The following DNAH17 variants were observed in gnomAD, a reference collection of about 807,000 sequenced individuals.
DNAH17 encodes the protein axonemal beta dynein heavy chain 17.
DNAH17 carries 376 observed loss-of-function variants against 485.6 expected under a neutral mutation model. That is an observed-to-expected ratio of 0.77 (90% CI 0.71 to 0.84). DNAH17 has a LOEUF of 0.84. DNAH17 is among the 40% of genes least tolerant of loss of function. The pLI is 0.00. For synonymous variants in DNAH17, 3,031 were observed against 2,405.9 expected, an observed-to-expected ratio of 1.26 and a Z score of -7.60; for missense variants, 6,370 against 5,839.3, an observed-to-expected ratio of 1.09 and a Z score of -2.96.
At position 78,493,922 on chromosome 17, in the gene DNAH17, A is replaced by C. The variant is rs889090273; in HGVS notation, c.6408+114T>G. 9 of 1,401,526 alleles carry C rather than the reference A, an allele frequency of 6.4e-6. No individual in the cohort carries two copies. The African/African-American group carries it at 7.2e-5, about 11-fold the overall frequency. The allele number at this position is 1,401,526 out of a possible 1,614,324, so 86.8% of individuals were successfully genotyped here. A position where few individuals can be genotyped will look rare whatever the true frequency, so the allele number is the denominator to read the frequency against. ...TGACTCAGGCCGGAGGGCTCCCAGG[A>C]TGTACTGGGTTGGGGTCTCCGGGGT... On this transcript the variant is annotated intron_variant, in intron 41 of 80. Coordinates refer to ENST00000389840, the MANE Select transcript of DNAH17 (RefSeq NM_173628.4).
chr17:78,556,119 G>A (rs770316115), intron 14 of DNAH17, among the ~76,000 whole-genome samples: 2 of 152,048 alleles, frequency 1.3e-5, no homozygotes, highest in Non-Finnish European at 2.9e-5. Flanking sequence ...CCATCCATCT[G>A]TATCTATCCC....
chr17:78,469,029 T>C (rs1031427848), intron 54 of DNAH17, 146 bp from the exon 55 acceptor site: 4 of 1,041,266 alleles, frequency 3.8e-6, no homozygotes, highest in East Asian at 2.6e-5. Context: ...AATGGCACAA[T>C]CTCGGCTCAC....
chr17:78,561,177 C>G (rs1315368941), intron 12 of DNAH17, among the ~76,000 whole-genome samples: 2 of 152,128 alleles, frequency 1.3e-5, no homozygotes, highest in African/African-American at 2.4e-5. Context: ...CAACTGGCTC[C>G]CGACCGCCAG....
chr17:78,570,313 C>T lies in DNAH17; in HGVS notation c.978G>A (p.Glu326=). ...TGATCCTGGCAGGTGTGTTATAGTA[C>T]TCAGAGGTGGCCCAGATGAAGCAGA... is the stretch of plus-strand genomic sequence containing the variant. The part of the protein sequence containing the change: ...DTICFIWATS[E]YYNTPARIIV... The change falls in exon 7 of 81, where the codon GAG becomes GAA. Residue 326 remains glutamate (E), a synonymous_variant. Coordinates refer to ENST00000389840, the MANE Select transcript of DNAH17 (RefSeq NM_173628.4). The T allele has an allele frequency of 1.2e-6, 2 of 1,605,606 alleles. No individual in the cohort carries two copies. The highest frequency in any genetic ancestry group is 1.7e-6 in the Non-Finnish European group (2 of 1,176,488).
At chr17:78,442,344 T>C (rs1316653057) in intron 71 of DNAH17, among the ~76,000 whole-genome samples, 1 of 152,214 alleles carries the variant, frequency 6.6e-6, no homozygotes. Context: ...GATCTGCTAT[T>C]CCTTTCCCTG....
intron 73 of DNAH17, among the ~76,000 whole-genome samples, chr17:78,438,834 T>C (rs929000695): frequency 1.3e-5 from 2 of 152,080 alleles, no homozygotes; most frequent in African/African-American, 2.4e-5. Flanking sequence ...TGGGGTACTC[T>C]CGTATAAAGC....
rs549630699 is a variant in DNAH17, at chr17:78,453,217, T to C, written c.10529+126A>G. 16 of 1,340,004 alleles carry C rather than the reference T, an allele frequency of 1.2e-5. No homozygotes were observed. The East Asian group carries it at 2.8e-4, about 24-fold the overall frequency. The allele number at this position is 1,340,004 out of a possible 1,614,324, so 83.0% of individuals were successfully genotyped here. ...TTCCTTCCCACCAGCAGGCACTTTG[T>C]CAAAGCCCTTGCTGCTTACCAGGGA... On this transcript the variant is annotated intron_variant, in intron 65 of 80. Coordinates refer to ENST00000389840, the MANE Select transcript of DNAH17 (RefSeq NM_173628.4).
rs746979114 is a variant in DNAH17 at position 78,454,689 on chromosome 17, G to A, written c.10187C>T (p.Thr3396Met). Residue 3396 changes from threonine to methionine, a missense_variant, in exon 64 of 81, where the codon ACG becomes ATG. By Grantham distance (81) the Thr-to-Met change is moderately conservative. Coordinates refer to ENST00000389840, the MANE Select transcript of DNAH17 (RefSeq NM_173628.4). ...IHNLKVPIPI[T>M]NGLDPLSLLT... ...CAGGCTCAAGGGATCCAGGCCATTCGTGATCGGGATGGGGACCTGCCCAGG... is the reference window on the plus strand; with the variant it reads ...CAGGCTCAAGGGATCCAGGCCATTCATGATCGGGATGGGGACCTGCCCAGG... 8.1e-6 allele frequency: 13 copies of A among 1,612,230 alleles called. No homozygotes were observed. Among genetic ancestry groups the A allele is most frequent in the Middle Eastern group, 1.6e-4 (1 of 6,082 alleles).
At chr17:78,482,699 G>A (rs73379440) in intron 48 of DNAH17, among the ~76,000 whole-genome samples, 4,525 of 152,194 alleles carry the variant, frequency 0.03, 211 homozygotes, top group African/African-American at 0.1. Context: ...ACCCTTGTCT[G>A]CCTTTTTCTT....
At chr17:78,428,163 A>G (rs1018121346) in intron 77 of DNAH17, among the ~76,000 whole-genome samples, 1 of 152,022 alleles carries the variant, frequency 6.6e-6, no homozygotes, top group Non-Finnish European at 1.5e-5. Context: ...GCGAGCTGCT[A>G]CTGCTGTTGT....
chr17:78,436,452 CAAA>C (rs1044865900), intron 74 of DNAH17, among the ~76,000 whole-genome samples: 4 of 151,874 alleles, frequency 2.6e-5, no homozygotes, highest in Admixed American at 6.6e-5. Context: ...TGTCAAACCT[CAAA>C]AAAGTTCTAG....
intron 16 of DNAH17, among the ~76,000 whole-genome samples, chr17:78,546,459 C>T (rs1025766335): frequency 2.6e-5 from 4 of 152,128 alleles, no homozygotes; most frequent in Non-Finnish European, 2.9e-5. Context: ...GCTTTCTCAC[C>T]GTTTCCCTTT....
chr17:78,492,920 C>T (rs1231331835), intron 41 of DNAH17, among the ~76,000 whole-genome samples, 155 bp from the exon 42 acceptor site: 5 of 131,416 alleles, frequency 3.8e-5, no homozygotes. Flanking sequence ...GGTGTGATCT[C>T]AGCTCACTGC....
At chr17:78,490,672 G>C in intron 44 of DNAH17, 27 bp downstream of exon 44, 1 of 1,590,424 alleles carries the variant, frequency 6.3e-7, no homozygotes, top group Non-Finnish European at 8.6e-7. Flanking sequence ...CCGAGGTTTG[G>C]AACAGGAAAG....
chr17:78,464,966 C>A (rs1193383757), intron 56 of DNAH17, among the ~76,000 whole-genome samples: 1 of 152,272 alleles, frequency 6.6e-6, no homozygotes, highest in Non-Finnish European at 1.5e-5. Context: ...CTCTCCCTCT[C>A]CCCACGGTCT....
chr17:78,443,386 C>T (rs2087147664), intron 71 of DNAH17, among the ~76,000 whole-genome samples: 1 of 152,160 alleles, frequency 6.6e-6, no homozygotes, highest in South Asian at 2.1e-4. Context: ...TGGCATTCTC[C>T]CTGGACCTCG....
intron 16 of DNAH17, among the ~76,000 whole-genome samples, chr17:78,549,812 G>T (rs546342468): frequency 6.6e-6 from 1 of 152,092 alleles, no homozygotes; most frequent in Non-Finnish European, 1.5e-5. Context: ...GCTCCCCACC[G>T]CCCAGAGCCT....
At chr17:78,531,562 T>A (rs2091239248) in intron 20 of DNAH17, among the ~76,000 whole-genome samples, 1 of 152,080 alleles carries the variant, frequency 6.6e-6, no homozygotes, top group Non-Finnish European at 1.5e-5. Context: ...ATGGTCTCGA[T>A]CTCCTGACCT....
intron 16 of DNAH17, among the ~76,000 whole-genome samples, chr17:78,548,864 G>A (rs987808663): frequency 2.6e-5 from 4 of 152,274 alleles, no homozygotes; most frequent in South Asian, 2.1e-4. Flanking sequence ...CTGGGAGCCA[G>A]TGTTCTCCCC....
Sources: gnomAD v4.1 joint callset for allele counts (sites outside exome capture counted in the v4.1 genomes callset) on GRCh38, gnomAD v4.1.1 for gene constraint, MANE v1.5 for transcripts, NCBI Gene and HGNC (gene_info 2026-07-23, HGNC 2026-07-21) for gene names.